PTPRT: variants seen among roughly 807,000 people sequenced by gnomAD.
PTPRT encodes the protein protein tyrosine phosphatase receptor type T, also known as receptor-type tyrosine-protein phosphatase T.
PTPRT carries 56 observed loss-of-function variants against 176.8 expected under a neutral mutation model. The ratio of observed to expected loss-of-function variants is 0.32; its 90% CI spans 0.26 to 0.40. PTPRT has a LOEUF of 0.40. Among genes scored for constraint, PTPRT ranks in the 10% least tolerant of loss-of-function variants. PTPRT has a pLI of 1.00. For missense variants in PTPRT, 1,540 were observed against 1,908.2 expected (o/e 0.81, Z 3.60); for synonymous variants, 783 against 739.0 (o/e 1.06, Z -0.96).
At chr20:43,009,752 G>T (rs910683011) in intron 1 of PTPRT, among the ~76,000 whole-genome samples, 1 of 152,136 alleles carries the variant, frequency 6.6e-6, no homozygotes, top group Non-Finnish European at 1.5e-5. Context: ...CCATTGACTG[G>T]GCATCTGCGA....
intron 15 of PTPRT, among the ~76,000 whole-genome samples, chr20:42,223,010 G>A (rs1483019824): frequency 1.3e-5 from 2 of 152,100 alleles, no homozygotes; most frequent in Admixed American, 6.5e-5. Context: ...GCTGGTGTCC[G>A]CTGCTTGATG....
At chr20:42,916,594 G>C (rs1209448793) in intron 1 of PTPRT, among the ~76,000 whole-genome samples, 1 of 152,298 alleles carries the variant, frequency 6.6e-6, no homozygotes, top group East Asian at 1.9e-4. Context: ...GTGTAAAAGT[G>C]TTCCTATTTC....
chr20:42,502,888 C>T (rs911051875), intron 7 of PTPRT, among the ~76,000 whole-genome samples: 1 of 152,008 alleles, frequency 6.6e-6, no homozygotes. Flanking sequence ...AACTGCTTAT[C>T]CAAGTGGTTG....
At chr20:42,804,485 A>G (rs1054657953) in intron 2 of PTPRT, among the ~76,000 whole-genome samples, 2 of 152,212 alleles carry the variant, frequency 1.3e-5, no homozygotes, top group African/African-American at 4.8e-5. Context: ...CTAGACCCAG[A>G]TGGAAAGAGA....
intron 7 of PTPRT, among the ~76,000 whole-genome samples, chr20:42,609,196 C>A (rs2073932760): frequency 6.6e-6 from 1 of 152,076 alleles, no homozygotes; most frequent in Non-Finnish European, 1.5e-5. Context: ...GCCTCAGCCT[C>A]CTAAGTAGCT....
At chr20:42,174,666 G>A (rs1990215649) in intron 16 of PTPRT, among the ~76,000 whole-genome samples, 1 of 152,110 alleles carries the variant, frequency 6.6e-6, no homozygotes, top group Admixed American at 6.5e-5. Flanking sequence ...GAGGAAAACG[G>A]CAAGTCCAAT....
intron 8 of PTPRT, among the ~76,000 whole-genome samples, chr20:42,470,970 C>T (rs1462204312): frequency 6.6e-6 from 1 of 151,944 alleles, no homozygotes; most frequent in African/African-American, 2.4e-5. Flanking sequence ...CCTAGGCTGG[C>T]TTTCAGGTCT....
chr20:42,963,857 A>G (rs1026584171), intron 1 of PTPRT, among the ~76,000 whole-genome samples: 1 of 152,228 alleles, frequency 6.6e-6, no homozygotes, highest in African/African-American at 2.4e-5. Flanking sequence ...GTAAAACCAA[A>G]AGCAGAATAT....
At chr20:42,627,490 T>G (rs1291350963) in intron 7 of PTPRT, among the ~76,000 whole-genome samples, 2 of 152,032 alleles carry the variant, frequency 1.3e-5, no homozygotes, top group African/African-American at 4.8e-5. Flanking sequence ...TAGGTTGGTC[T>G]TGAACTCCTG....
At chr20:42,978,136 C>T (rs939501745) in intron 1 of PTPRT, among the ~76,000 whole-genome samples, 1 of 152,154 alleles carries the variant, frequency 6.6e-6, no homozygotes, top group African/African-American at 2.4e-5. Context: ...CTTATACATA[C>T]TACGTTTTGT....
intron 1 of PTPRT, among the ~76,000 whole-genome samples, chr20:43,083,321 T>TGTATATATATATATATATACAC (rs1491174501): frequency 6.1e-4 from 7 of 11,428 alleles, no homozygotes; most frequent in African/African-American, 1.7e-3. Context: ...ACTTCAAATG[T>TGTATATATATATATATATACAC]ATATATATAT....
chr20:42,925,828 G>T (rs1329090881), intron 1 of PTPRT, among the ~76,000 whole-genome samples: 1 of 152,208 alleles, frequency 6.6e-6, no homozygotes, highest in Non-Finnish European at 1.5e-5. Context: ...CTGAAGAAAA[G>T]AGGGCTTCAT....
chr20:42,524,621 C>T (rs2072236584), intron 7 of PTPRT, among the ~76,000 whole-genome samples: 2 of 152,084 alleles, frequency 1.3e-5, no homozygotes, highest in African/African-American at 4.8e-5. Context: ...TCTTATTTAT[C>T]CCGCTTAGGA....
At chr20:42,768,650 C>T (rs76402473) in intron 5 of PTPRT, among the ~76,000 whole-genome samples, 2,986 of 152,230 alleles carry the variant, frequency 0.02, 89 homozygotes, top group African/African-American at 0.069. Context: ...ATGCGGTTTT[C>T]GCATTATTAC....
At chr20:43,011,036 C>T (rs867552256) in intron 1 of PTPRT, among the ~76,000 whole-genome samples, 34 of 152,308 alleles carry the variant, frequency 2.2e-4, no homozygotes, top group Admixed American at 7.2e-4. Flanking sequence ...GTTAAGAAAA[C>T]GTGGGCCATC....
At chr20:42,661,608 T>C (rs545442640) in intron 7 of PTPRT, among the ~76,000 whole-genome samples, 35 of 152,266 alleles carry the variant, frequency 2.3e-4, no homozygotes, top group Non-Finnish European at 4.0e-4. Flanking sequence ...TACAAGCTTC[T>C]AATGATTAAG....
intron 13 of PTPRT, among the ~76,000 whole-genome samples, chr20:42,265,206 T>C (rs975826047): frequency 6.6e-6 from 1 of 152,152 alleles, no homozygotes; most frequent in Non-Finnish European, 1.5e-5. Flanking sequence ...CCTGCCATGG[T>C]ATTTCCCAAT....
At chr20:42,110,923 A>C (rs931674724) in intron 22 of PTPRT, among the ~76,000 whole-genome samples, 2 of 152,320 alleles carry the variant, frequency 1.3e-5, no homozygotes, top group African/African-American at 4.8e-5. Flanking sequence ...TTGAGGTCTG[A>C]TATTCTGTAG....
intron 16 of PTPRT, among the ~76,000 whole-genome samples, chr20:42,167,747 G>A (rs1989890251): frequency 6.6e-6 from 1 of 152,194 alleles, no homozygotes; most frequent in African/African-American, 2.4e-5. Flanking sequence ...GCAGGTATCA[G>A]AGTCAAAGCA....
Sources: gnomAD v4.1 joint callset for allele counts (sites outside exome capture counted in the v4.1 genomes callset) on GRCh38, gnomAD v4.1.1 for gene constraint, MANE v1.5 for transcripts, NCBI Gene and HGNC (gene_info 2026-07-23, HGNC 2026-07-21) for gene names.